The following ADGRA3 variants were observed in gnomAD, a reference collection of about 807,000 sequenced individuals.
ADGRA3 encodes adhesion G protein-coupled receptor A3, also known as G-protein coupled receptor 125.
In ADGRA3, 56 loss-of-function variants were observed where a neutral mutation model predicts 119.8. The observed-to-expected ratio is 0.47, with a 90% CI of 0.38 to 0.58. The LOEUF (loss-of-function observed/expected upper bound fraction) is 0.58. Ranked by LOEUF, ADGRA3 falls within the 20% of genes least tolerant of loss-of-function variation. The pLI is 0.00. For missense variants in ADGRA3, 1,516 were observed against 1,649.0 expected, an observed-to-expected ratio of 0.92 and a Z score of 1.40; for synonymous variants, 607 against 623.8, an observed-to-expected ratio of 0.97 and a Z score of 0.40.
intron 1 of ADGRA3, among the ~76,000 whole-genome samples, chr4:22,498,980 A>C (rs1039219872): frequency 1.1e-4 from 17 of 152,296 alleles, no homozygotes; most frequent in African/African-American, 4.1e-4. Flanking sequence ...CAAGATCCCA[A>C]CACAGGCATT....
intron 1 of ADGRA3, among the ~76,000 whole-genome samples, chr4:22,493,546 G>A (rs1237982691): frequency 6.6e-6 from 1 of 152,158 alleles, no homozygotes; most frequent in African/African-American, 2.4e-5. Context: ...CTGCAGACTG[G>A]CATTAGATCC....
At chr4:22,427,757 C>G (rs940988471) in intron 10 of ADGRA3, among the ~76,000 whole-genome samples, 3 of 152,116 alleles carry the variant, frequency 2.0e-5, no homozygotes, top group Non-Finnish European at 2.9e-5. Context: ...ATTTGACACA[C>G]AAAGCTCATT....
intron 12 of ADGRA3, among the ~76,000 whole-genome samples, chr4:22,419,724 C>A (rs932026223): frequency 1.6e-4 from 25 of 152,034 alleles, no homozygotes; most frequent in African/African-American, 6.0e-4. Context: ...CTCTGTGTTG[C>A]TGTTTCTAGT....
At chr4:22,419,598 T>C (rs1287396140) in intron 12 of ADGRA3, among the ~76,000 whole-genome samples, 1 of 152,184 alleles carries the variant, frequency 6.6e-6, no homozygotes, top group Admixed American at 6.5e-5. Flanking sequence ...GTGAAATTGA[T>C]GAAATGTAGG....
intron 1 of ADGRA3, among the ~76,000 whole-genome samples, chr4:22,509,690 A>ATGGAGACTC (rs1447994818): frequency 2.0e-5 from 3 of 151,862 alleles, no homozygotes; most frequent in African/African-American, 7.3e-5. Context: ...ATGGGACAAG[A>ATGGAGACTC]TGGAGACTCA....
rs767966248 is a variant in ADGRA3, at chr4:22,515,654, T to A, written c.131A>T (p.Lys44Met). 1.5e-6 allele frequency: 2 copies of A among 1,328,870 alleles called. No homozygotes were observed. Among genetic ancestry groups the A allele is most frequent in the African/African-American group, 1.5e-5 (1 of 65,602 alleles). 82.3% of individuals were successfully genotyped at this position (1,328,870 alleles called of 1,614,324 possible). The change falls in exon 1 of 19, where the codon AAG becomes ATG. Residue 44 changes from lysine (K) to methionine (M), a missense_variant. By Grantham distance (95) the Lys-to-Met change is moderately conservative. This residue lies in a region of ADGRA3 where 428 missense variants were observed against 541.9 expected (regional missense o/e 0.79). Coordinates refer to ENST00000334304, the MANE Select transcript of ADGRA3 (RefSeq NM_145290.4). Reference sequence around the variant, plus strand: ...AGCCCCTCGGGGCCGCCCATCGTGCTTGCAGCCGGCGGGCAGCGCCGCGGC... The same window carrying A: ...AGCCCCTCGGGGCCGCCCATCGTGCATGCAGCCGGCGGGCAGCGCCGCGGC... Reference protein sequence around the residue: ...GGAAALPAGCKHDGRPRGAGR... With the variant: ...GGAAALPAGCMHDGRPRGAGR...
intron 3 of ADGRA3, among the ~76,000 whole-genome samples, chr4:22,457,399 CA>C (rs1218546910): frequency 6.6e-6 from 1 of 152,164 alleles, no homozygotes; most frequent in East Asian, 1.9e-4. Flanking sequence ...TATCTATGAG[CA>C]ACTAGCAAAC....
chr4:22,440,584 G>T lies in ADGRA3; in HGVS notation c.920+2066C>A, dbSNP rs139014754. ...ATGTTAGGTTAACTTGTTATCCTTA[G>T]AATTAACTTTTTTTGCATTGCTAAA... is the stretch of plus-strand genomic sequence containing the variant. On this transcript the variant is annotated intron_variant, in intron 7 of 18. Coordinates refer to ENST00000334304, the MANE Select transcript of ADGRA3 (RefSeq NM_145290.4). 2.2e-3 allele frequency among the ~76,000 whole-genome samples: 329 copies of T among 150,880 alleles called. 2 individuals carry two copies. Among genetic ancestry groups the T allele is most frequent in the African/African-American group, 7.6e-3 (316 of 41,372 alleles).
intron 16 of ADGRA3, among the ~76,000 whole-genome samples, chr4:22,400,282 G>A (rs1455785741): frequency 6.6e-6 from 1 of 152,098 alleles, no homozygotes; most frequent in African/African-American, 2.4e-5. Flanking sequence ...GTAGCCAAGA[G>A]ATAGAAACAA....
At chr4:22,480,497 G>A (rs1467132100) in intron 1 of ADGRA3, among the ~76,000 whole-genome samples, 1 of 151,756 alleles carries the variant, frequency 6.6e-6, no homozygotes, top group Non-Finnish European at 1.5e-5. Flanking sequence ...GATATACATA[G>A]CAAGACCCGG....
chr4:22,513,928 T>C (rs933425602), intron 1 of ADGRA3, among the ~76,000 whole-genome samples: 1 of 148,692 alleles, frequency 6.7e-6, no homozygotes, highest in African/African-American at 2.5e-5. Flanking sequence ...TTTCTAAAAA[T>C]TGTAGAAAAA....
At chr4:22,470,476 A>C (rs1171184900) in intron 2 of ADGRA3, among the ~76,000 whole-genome samples, 1 of 151,994 alleles carries the variant, frequency 6.6e-6, no homozygotes, top group Non-Finnish European at 1.5e-5. Flanking sequence ...CACTCTCCCC[A>C]CCTTACCCTA....
At chr4:22,429,610 C>A (rs1300048288) in intron 10 of ADGRA3, among the ~76,000 whole-genome samples, 1 of 151,932 alleles carries the variant, frequency 6.6e-6, no homozygotes, top group Non-Finnish European at 1.5e-5. Flanking sequence ...AGCCAGGAAA[C>A]GTGCCTGTTT....
At chr4:22,468,238 C>G (rs1318144407) in intron 2 of ADGRA3, among the ~76,000 whole-genome samples, 1 of 152,202 alleles carries the variant, frequency 6.6e-6, no homozygotes, top group Non-Finnish European at 1.5e-5. Context: ...CCAAACCCCA[C>G]AGCAGGCTGC....
At position 22,444,964 on chromosome 4, in the gene ADGRA3, C is replaced by A. The variant is rs745692861; in HGVS notation, c.706+9G>T. The A allele has an allele frequency of 8.7e-6, 14 of 1,612,172 alleles. No homozygotes were observed. ...GTAAATGCTTTCTCAGTTTGGATTT[C>A]TCCCTTACCGCATGTCAACAGCTCC... On this transcript the variant is annotated intron_variant, in intron 6 of 18. Transcript: ENST00000334304.
rs1715295646 is a variant in ADGRA3 at position 22,413,360 on chromosome 4, G to A, written c.2054C>T (p.Pro685Leu). 1 of 1,613,814 alleles carries A rather than the reference G, an allele frequency of 6.2e-7. No individual in the cohort carries two copies. The highest frequency in any genetic ancestry group is 1.3e-5 in the African/African-American group (1 of 74,918). Residue 685 changes from proline (P) to leucine (L), a missense_variant, in exon 14 of 19, where the codon CCT (proline) becomes CTT (leucine). Coordinates refer to ENST00000334304, the MANE Select transcript of ADGRA3 (RefSeq NM_145290.4). ...AATTCGACGCAGTGTCACATTAACA[G>A]GGATGTGGTGGGTATCTACATTCAC... ...DGVNVDTHHI[P>L]VNVTLRRIAH...
intron 1 of ADGRA3, among the ~76,000 whole-genome samples, chr4:22,491,015 G>A (rs1314909471): frequency 1.9e-4 from 29 of 152,132 alleles, no homozygotes; most frequent in Admixed American, 1.9e-3. Flanking sequence ...GGAGGGAGAA[G>A]GCAAACAAGT....
At chr4:22,478,057 T>C (rs1419542532) in intron 1 of ADGRA3, 1 of 152,210 alleles carries the variant, frequency 6.6e-6, no homozygotes, top group East Asian at 1.9e-4. Context: ...ATAAAGCTTA[T>C]ATACACCCAT....
chr4:22,507,634 C>G (rs186363800), intron 1 of ADGRA3, among the ~76,000 whole-genome samples: 4 of 152,270 alleles, frequency 2.6e-5, no homozygotes, highest in Admixed American at 2.6e-4. Flanking sequence ...TCTCCTGGTG[C>G]TGGAGGACTC....
Sources: gnomAD v4.1 joint callset for allele counts (sites outside exome capture counted in the v4.1 genomes callset) on GRCh38, gnomAD v4.1.1 for gene constraint, gnomAD v4.1.1 regional missense constraint, MANE v1.5 for transcripts, NCBI Gene and HGNC (gene_info 2026-07-23, HGNC 2026-07-21) for gene names.